The following CHST15 variants were observed in gnomAD, a reference collection of about 807,000 sequenced individuals.
The protein encoded by CHST15 is B cell RAG associated protein (GALNAC4S-6ST).
A neutral mutation model predicts 53.6 loss-of-function variants in CHST15; 30 were observed. The ratio of observed to expected loss-of-function variants is 0.56; its 90% CI spans 0.42 to 0.76. CHST15 has a LOEUF of 0.76. Among genes scored for constraint, CHST15 ranks in the 30% least tolerant of loss-of-function variants. The pLI is 0.00. For missense variants in CHST15, 627 were observed against 740.5 expected (o/e 0.85, Z 1.78); for synonymous variants, 296 against 289.8 (o/e 1.02, Z -0.22).
chr10:124,037,446 G>T (rs1947540967), intron 5 of CHST15, among the ~76,000 whole-genome samples: 2 of 152,160 alleles, frequency 1.3e-5, no homozygotes, highest in African/African-American at 4.8e-5. Flanking sequence ...AACAGACCTG[G>T]TCTCAAAATA....
At chr10:124,085,761 A>T (rs142503202) in intron 1 of CHST15, among the ~76,000 whole-genome samples, 1 of 152,232 alleles carries the variant, frequency 6.6e-6, no homozygotes, top group Non-Finnish European at 1.5e-5. Context: ...GCAGAAGCTC[A>T]GAGGAGGAAG....
chr10:124,027,363 G>A (rs1465396894), intron 5 of CHST15, among the ~76,000 whole-genome samples: 1 of 152,202 alleles, frequency 6.6e-6, no homozygotes, highest in Admixed American at 6.5e-5. Flanking sequence ...GGAGAGGCCA[G>A]CAGTGGCAAG....
At chr10:124,014,741 A>T (rs767383755) in intron 6 of CHST15, among the ~76,000 whole-genome samples, 13 of 152,186 alleles carry the variant, frequency 8.5e-5, no homozygotes, top group Non-Finnish European at 1.9e-4. Context: ...TTCCAGAAGG[A>T]AAGCAGCCAG....
In CHST15 at chr10:124,063,167, G is replaced by C. The variant is rs148271829; in HGVS notation, c.-512-16443C>G. Among the ~76,000 whole-genome samples the C allele has an allele frequency of 2.4e-3, 373 of 152,276 alleles. 4 individuals are homozygous for C. Among genetic ancestry groups the C allele is most frequent in the African/African-American group, 8.6e-3 (357 of 41,552 alleles). ...GGAGGCCGAGGCGGGTGGATCACCT[G>C]AGATCAGCAGTTTGAGACCAGCCTG... On this transcript the variant is annotated intron_variant, in intron 1 of 7. Coordinates refer to ENST00000435907, the MANE Select transcript of CHST15 (RefSeq NM_001270764.2).
At chr10:124,077,748 A>G (rs1471469357) in intron 1 of CHST15, among the ~76,000 whole-genome samples, 1 of 152,190 alleles carries the variant, frequency 6.6e-6, no homozygotes, top group East Asian at 1.9e-4. Flanking sequence ...TTCCGGTGGC[A>G]TCTCACAATT....
At chr10:124,067,984 T>C (rs1948800098) in intron 1 of CHST15, among the ~76,000 whole-genome samples, 1 of 152,200 alleles carries the variant, frequency 6.6e-6, no homozygotes, top group Admixed American at 6.5e-5. Context: ...AGGTTGTGTC[T>C]GCGGGTGCAA....
intron 5 of CHST15, among the ~76,000 whole-genome samples, chr10:124,025,241 C>T (rs1046415469): frequency 4.6e-5 from 7 of 152,306 alleles, no homozygotes; most frequent in African/African-American, 7.2e-5. Context: ...AAAACTGGGA[C>T]ATACCTACTG....
At chr10:124,044,499 C>CA in intron 3 of CHST15, 81 bp downstream of exon 3, 1 of 1,220,270 alleles carries the variant, frequency 8.2e-7, no homozygotes, top group Non-Finnish European at 1.1e-6. Flanking sequence ...CCTCGCCCCC[C>CA]AACCCCAGCG....
intron 1 of CHST15, among the ~76,000 whole-genome samples, chr10:124,054,669 A>G (rs528374743): frequency 2.0e-5 from 3 of 152,308 alleles, no homozygotes; most frequent in Non-Finnish European, 2.9e-5. Flanking sequence ...TAACTGCTCT[A>G]TGATCTCAGG....
chr10:124,028,870 C>T (rs540630530), intron 5 of CHST15, among the ~76,000 whole-genome samples: 16 of 152,258 alleles, frequency 1.1e-4, no homozygotes, highest in African/African-American at 2.4e-4. Flanking sequence ...ACCCCGGTGA[C>T]GCTGGCCCCA....
chr10:124,087,051 G>A lies in CHST15; in HGVS notation c.-513+6418C>T, dbSNP rs149571098. 2.7e-3 allele frequency among the ~76,000 whole-genome samples: 411 copies of A among 152,316 alleles called. 1 individual carries two copies. Among genetic ancestry groups the A allele is most frequent in the African/African-American group, 9.6e-3 (397 of 41,564 alleles). ...ACGTGAAGGTACAGGTGAACTTACC[G>A]CCATCAGCATGAGTGAGCTGCCAGG... On this transcript the variant is annotated intron_variant, in intron 1 of 7. Transcript: ENST00000435907.
chr10:124,033,919 T>A (rs1166859394), intron 5 of CHST15, among the ~76,000 whole-genome samples: 2 of 152,224 alleles, frequency 1.3e-5, no homozygotes, highest in Admixed American at 1.3e-4. Flanking sequence ...TTGAAGCTGC[T>A]AAGTTTTGGC....
At position 124,036,864 on chromosome 10, in the gene CHST15, GGGGT is replaced by G. The variant is rs1290812478; in HGVS notation, c.1190+1647_1190+1650del. On this transcript the variant is annotated intron_variant, in intron 5 of 7. Transcript: ENST00000435907. This position sits in a 1 kb window ranked among gnomAD's most constrained non-coding sequence, Gnocchi z 5.1. ...CCAGGAAGGTATGCCACCTGAAGAA[GGGGT>G]CCCAGGGGTCAGTTTCCCGGGGCTG... Among the ~76,000 whole-genome samples, 1 of 152,180 alleles carries G rather than the reference GGGGT, an allele frequency of 6.6e-6. No individual in the cohort carries two copies. Among genetic ancestry groups the G allele is most frequent in the African/African-American group, 2.4e-5 (1 of 41,444 alleles).
chr10:124,093,324 C>T (rs1441413485), intron 1 of CHST15, 145 bp downstream of exon 1: 2 of 152,604 alleles, frequency 1.3e-5, no homozygotes, highest in African/African-American at 4.8e-5. Flanking sequence ...TCCGCCGGCC[C>T]GGACTCCCTA....
At chr10:124,090,294 C>T (rs1949566084) in intron 1 of CHST15, among the ~76,000 whole-genome samples, 1 of 152,254 alleles carries the variant, frequency 6.6e-6, no homozygotes. Context: ...TTCCCCCCAA[C>T]TGGCTGGAGC....
chr10:124,077,268 T>C (rs1407149585), intron 1 of CHST15, among the ~76,000 whole-genome samples: 1 of 152,198 alleles, frequency 6.6e-6, no homozygotes, highest in Non-Finnish European at 1.5e-5. Flanking sequence ...ACAATCAGAA[T>C]CTTACATTCT....
chr10:124,038,699 C>T, intron 4 of CHST15, 28 bp from the exon 5 acceptor site: 1 of 1,609,844 alleles, frequency 6.2e-7, no homozygotes. Context: ...TCCAAGTGAG[C>T]AGGGGTGTGA....
chr10:124,007,889 C>A lies in CHST15; in HGVS notation c.*2260G>T, dbSNP rs577288718. 4.9e-6 allele frequency: 6 copies of A among 1,232,090 alleles called. No individual in the cohort carries two copies. The highest frequency in any genetic ancestry group is 8.4e-5 in the Admixed American group (2 of 23,718). The allele number at this position is 1,232,090 out of a possible 1,614,324, so 76.3% of individuals were successfully genotyped here. A position where few individuals can be genotyped will look rare whatever the true frequency, so the allele number is the denominator to read the frequency against. ...TCCAATTTGCTTTGGTTTTGAATGGCAGGCTCGAGAACCACCGCCCAGAAC... is the reference window on the plus strand; with the variant it reads ...TCCAATTTGCTTTGGTTTTGAATGGAAGGCTCGAGAACCACCGCCCAGAAC... On this transcript the variant is annotated 3_prime_UTR_variant, in exon 8 of 8. Transcript: ENST00000435907.
In CHST15 at chr10:124,044,717, A is replaced by C. The variant is rs373115407; in HGVS notation, c.749T>G (p.Leu250Arg). The change falls in exon 3 of 8, where the codon CTG becomes CGG. Residue 250 changes from leucine to arginine, a missense_variant. Leu to Arg is a moderately radical substitution (Grantham distance 102). This residue lies in a region of CHST15 where 161 missense variants were observed against 117.2 expected (regional missense o/e 1.37). Coordinates refer to ENST00000435907, the MANE Select transcript of CHST15 (RefSeq NM_001270764.2). ...GATGTAGAAGTGCGGCAGGCAGCGC[A>C]GGCGGAAGTGCTTCCCGTGCGCGTG... is the stretch of plus-strand genomic sequence containing the variant. The part of the protein sequence containing the change: ...LAHAHGKHFR[L>R]RCLPHFYIIG... 3 of 1,613,696 alleles carry C rather than the reference A, an allele frequency of 1.9e-6. No individual in the cohort carries two copies. The African/African-American group carries it at 4.0e-5, about 22-fold the overall frequency.
Sources: gnomAD v4.1 joint callset for allele counts (sites outside exome capture counted in the v4.1 genomes callset) on GRCh38, gnomAD v4.1.1 for gene constraint, gnomAD v4.1.1 regional missense constraint, Gnocchi (gnomAD v3.1) non-coding constraint, MANE v1.5 for transcripts, NCBI Gene and HGNC (gene_info 2026-07-23, HGNC 2026-07-21) for gene names.